The following SHC3 variants were observed in gnomAD, a reference collection of about 807,000 sequenced individuals.
SHC3 encodes the protein SHC adaptor protein 3, also known as SHC-transforming protein 3.
A neutral mutation model predicts 60.4 loss-of-function variants in SHC3; 15 were observed. The observed-to-expected ratio is 0.25, with a 90% CI of 0.17 to 0.38. The LOEUF (loss-of-function observed/expected upper bound fraction) is 0.38, where lower values mean the gene tolerates loss of function less well. SHC3 is among the 10% of genes least tolerant of loss of function. The pLI is 1.00. For synonymous variants in SHC3, 294 were observed against 325.9 expected (o/e 0.90, Z 1.05); for missense variants, 677 against 786.1 (o/e 0.86, Z 1.66).
intron 4 of SHC3, 138 bp downstream of exon 4, chr9:89,074,971 T>C: frequency 9.0e-7 from 1 of 1,109,362 alleles, no homozygotes; most frequent in Admixed American, 3.4e-5. Context: ...TCCTTCAAAG[T>C]GGCCAAAGTT....
At chr9:89,020,936 T>C (rs1006957917) in intron 11 of SHC3, among the ~76,000 whole-genome samples, 7 of 152,132 alleles carry the variant, frequency 4.6e-5, no homozygotes, top group African/African-American at 1.7e-4. Flanking sequence ...TCCTGCCCTA[T>C]GGTGGCACAC....
intron 3 of SHC3, 45 bp from the exon 4 acceptor site, chr9:89,075,273 C>G: frequency 1.9e-6 from 3 of 1,603,712 alleles, no homozygotes; most frequent in Non-Finnish European, 2.6e-6. Context: ...ATTTCCATCT[C>G]AAAGGGTGGG....
intron 6 of SHC3, among the ~76,000 whole-genome samples, chr9:89,063,502 C>T (rs921590266): frequency 2.6e-4 from 40 of 152,190 alleles, no homozygotes; most frequent in African/African-American, 9.6e-4. Flanking sequence ...CACATCTACT[C>T]TGGGTCTCAT....
rs995005944 is a variant in SHC3, at chr9:89,042,023, C to T, written c.1360+3G>A. 5.6e-6 allele frequency: 9 copies of T among 1,613,648 alleles called. No homozygotes were observed. The highest frequency in any genetic ancestry group is 5.3e-5 in the African/African-American group (4 of 74,874). ...AGAAAACCAGAGACAAACAGAAACC[C>T]ACTCATGTCAAAGAGGTCTTTCCTT... On this transcript the variant is annotated splice_donor_region_variant and intron_variant, in intron 10 of 11. Coordinates refer to ENST00000375835, the MANE Select transcript of SHC3 (RefSeq NM_016848.6).
intron 2 of SHC3, among the ~76,000 whole-genome samples, chr9:89,083,777 G>A (rs1448475652): frequency 2.6e-5 from 4 of 152,080 alleles, no homozygotes; most frequent in Non-Finnish European, 1.5e-5. Context: ...TTTTCTCATG[G>A]GTCATTTTCT....
At position 89,007,037 on chromosome 9, in the gene SHC3, G is replaced by A. The variant is rs1564067832; in HGVS notation, c.*6410C>T. ...ACAAAATAGACACCTAAAATTGTAT[G>A]AGATTTTATTCCTGGTGCTTTTTCA... On this transcript the variant is annotated 3_prime_UTR_variant, in exon 12 of 12. Transcript: ENST00000375835. 1 of 152,194 alleles carries A rather than the reference G, an allele frequency of 6.6e-6. No individual in the cohort carries two copies. The highest frequency in any genetic ancestry group is 2.4e-5 in the African/African-American group (1 of 41,444). The allele number at this position is 152,194 out of a possible 1,614,324, so 9.4% of individuals were successfully genotyped here.
intron 9 of SHC3, among the ~76,000 whole-genome samples, chr9:89,043,177 G>A (rs547864194): frequency 2.6e-5 from 4 of 152,270 alleles, no homozygotes; most frequent in East Asian, 1.9e-4. Context: ...TTTAAAAAGC[G>A]TTCCCAAGAG....
At chr9:89,096,167 T>A (rs1825698362) in intron 2 of SHC3, among the ~76,000 whole-genome samples, 2 of 152,338 alleles carry the variant, frequency 1.3e-5, no homozygotes, top group African/African-American at 4.8e-5. Context: ...AGAGGCTTGT[T>A]CAGATAAAAA....
At chr9:89,162,442 A>G (rs1358419780) in intron 1 of SHC3, among the ~76,000 whole-genome samples, 10 of 151,416 alleles carry the variant, frequency 6.6e-5, no homozygotes. Flanking sequence ...AATGCCGCAT[A>G]TCTACAACTA....
chr9:89,113,146 C>A (rs181473551), intron 1 of SHC3, among the ~76,000 whole-genome samples: 39 of 152,084 alleles, frequency 2.6e-4, no homozygotes, highest in Non-Finnish European at 1.5e-4. Context: ...CTATAGATTA[C>A]CCTCAAAGGT....
At chr9:89,088,013 TAC>T (rs1181192571) in intron 2 of SHC3, among the ~76,000 whole-genome samples, 1 of 152,264 alleles carries the variant, frequency 6.6e-6, no homozygotes, top group African/African-American at 2.4e-5. Flanking sequence ...GGGGAAAATC[TAC>T]ACTCTGTAGA....
chr9:89,104,552 C>T (rs1281050886), intron 2 of SHC3, among the ~76,000 whole-genome samples: 3 of 152,204 alleles, frequency 2.0e-5, no homozygotes, highest in Non-Finnish European at 4.4e-5. Context: ...CTCTGTGGCC[C>T]CTCTGCAACC....
chr9:89,138,249 G>A (rs1826346415), intron 1 of SHC3, among the ~76,000 whole-genome samples: 1 of 152,204 alleles, frequency 6.6e-6, no homozygotes, highest in Admixed American at 6.5e-5. Context: ...AGAACTACGT[G>A]AAAGCAAATT....
chr9:89,034,120 A>G (rs1456929338), intron 11 of SHC3, among the ~76,000 whole-genome samples: 1 of 152,258 alleles, frequency 6.6e-6, no homozygotes, highest in African/African-American at 2.4e-5. Flanking sequence ...GTAATTCTCC[A>G]TATTAACAAT....
chr9:89,115,535 A>G (rs1587735616), intron 1 of SHC3, among the ~76,000 whole-genome samples: 2 of 152,172 alleles, frequency 1.3e-5, no homozygotes, highest in East Asian at 3.9e-4. Flanking sequence ...TGTAAATACC[A>G]TCATCAGCAA....
intron 1 of SHC3, among the ~76,000 whole-genome samples, chr9:89,133,970 A>C (rs577518676): frequency 6.6e-6 from 1 of 152,264 alleles, no homozygotes; most frequent in South Asian, 2.1e-4. Flanking sequence ...GCCTGGGGAC[A>C]TGTGAAGTGC....
At chr9:89,067,506 C>T (rs1019526591) in intron 5 of SHC3, among the ~76,000 whole-genome samples, 1 of 152,204 alleles carries the variant, frequency 6.6e-6, no homozygotes, top group African/African-American at 2.4e-5. Flanking sequence ...GGATTTCCAA[C>T]ATTATGATTG....
rs775758084 is a variant in SHC3, at chr9:89,010,647, G to A, written c.*2800C>T. On this transcript the variant is annotated 3_prime_UTR_variant, in exon 12 of 12. Coordinates refer to ENST00000375835, the MANE Select transcript of SHC3 (RefSeq NM_016848.6). Reference sequence around the variant, plus strand: ...CAGGGTGGCCCAGCACAGCAGCAGCGACTGTGCCCTGGAAGCCTGAGGCCC... The same window carrying A: ...CAGGGTGGCCCAGCACAGCAGCAGCAACTGTGCCCTGGAAGCCTGAGGCCC... 1.3e-5 allele frequency: 2 copies of A among 152,364 alleles called. No homozygotes were observed. Among genetic ancestry groups the A allele is most frequent in the Non-Finnish European group, 2.9e-5 (2 of 68,154 alleles). The allele number at this position is 152,364 out of a possible 1,614,324, so 9.4% of individuals were successfully genotyped here.
At chr9:89,037,938 T>C in intron 11 of SHC3, 55 bp downstream of exon 11, 1 of 1,576,660 alleles carries the variant, frequency 6.3e-7, no homozygotes, top group Non-Finnish European at 8.6e-7. Context: ...GGAGACTGTT[T>C]AAGGCAGGTC....
Sources: gnomAD v4.1 joint callset for allele counts (sites outside exome capture counted in the v4.1 genomes callset) on GRCh38, gnomAD v4.1.1 for gene constraint, MANE v1.5 for transcripts, NCBI Gene and HGNC (gene_info 2026-07-23, HGNC 2026-07-21) for gene names.